Variants in MYO18B observed in about 807,000 individuals in gnomAD.
The protein encoded by MYO18B is unconventional myosin-XVIIIb.
MYO18B carries 204 observed loss-of-function variants against 273.0 expected under a neutral mutation model. The ratio of observed to expected loss-of-function variants is 0.75; its 90% CI spans 0.67 to 0.84. The LOEUF (loss-of-function observed/expected upper bound fraction) is 0.84. MYO18B is among the 40% of genes least tolerant of loss of function. The probability of loss-of-function intolerance (pLI) is 0.00; values close to 1 mark genes in which losing one functional copy is unlikely to be tolerated. For missense variants in MYO18B, 3,212 were observed against 3,287.6 expected (o/e 0.98, Z 0.56); for synonymous variants, 1,330 against 1,305.7 (o/e 1.02, Z -0.40).
At chr22:25,896,518 T>C (rs2091805742) in intron 28 of MYO18B, 1 of 152,254 alleles carries the variant, frequency 6.6e-6, no homozygotes, top group Non-Finnish European at 1.5e-5. Context: ...GTACCATTAC[T>C]GTTAGGGCTT....
At position 25,781,882 on chromosome 22, in the gene MYO18B, G is replaced by T; in HGVS notation, c.2312+48G>T. 3.9e-6 allele frequency: 5 copies of T among 1,297,968 alleles called. No homozygotes were observed. The South Asian group carries it at 8.9e-5, about 23-fold the overall frequency. The allele number at this position is 1,297,968 out of a possible 1,614,324, so 80.4% of individuals were successfully genotyped here. A position where few individuals can be genotyped will look rare whatever the true frequency, so the allele number is the denominator to read the frequency against. ...GACAGCTGAGGGCAGTGCGACAAAG[G>T]GCACATGTTCTTTGGGGGCCCAGCC... On this transcript the variant is annotated intron_variant, in intron 10 of 43. Transcript: ENST00000335473.
intron 12 of MYO18B, among the ~76,000 whole-genome samples, chr22:25,809,685 C>T (rs2088647720): frequency 1.3e-5 from 2 of 151,994 alleles, no homozygotes; most frequent in Admixed American, 1.3e-4. Flanking sequence ...AGGAGGTGCT[C>T]ATGGGGAGGA....
Position 25,826,508 on chromosome 22 carries a change from G to C in MYO18B, c.2786+9G>C. On this transcript the variant is annotated intron_variant, in intron 14 of 43. Coordinates refer to ENST00000335473, the MANE Select transcript of MYO18B (RefSeq NM_032608.7). The stretch of plus-strand genomic sequence containing the variant: ...GTCTCACTCATCAACAGGTAACGGG[G>C]CCTTTTCCTAGGCACACAGTTGGCC... 1 of 1,611,432 alleles carries C rather than the reference G, an allele frequency of 6.2e-7. No individual in the cohort carries two copies.
intron 4 of MYO18B, 140 bp downstream of exon 4, chr22:25,769,568 G>T: frequency 1.3e-6 from 1 of 759,586 alleles, no homozygotes; most frequent in Non-Finnish European, 2.1e-6. Context: ...GGCTGGAACT[G>T]CAAGGCACCC....
At chr22:26,058,840 G>A in the MYO18B span, among the ~76,000 whole-genome samples, 47 of 152,260 alleles carry the variant, frequency 3.1e-4, no homozygotes, top group African/African-American at 5.1e-4. Flanking sequence ...AGAACCATGA[G>A]TCAAAAAATC....
At chr22:25,968,505 C>T (rs1413982417) in intron 39 of MYO18B, among the ~76,000 whole-genome samples, 1 of 152,084 alleles carries the variant, frequency 6.6e-6, no homozygotes, top group Non-Finnish European at 1.5e-5. Flanking sequence ...GTTTTATCTT[C>T]TCTGCTTGTG....
chr22:25,885,480 G>A (rs1319740123), intron 25 of MYO18B, among the ~76,000 whole-genome samples: 1 of 152,102 alleles, frequency 6.6e-6, no homozygotes, highest in Non-Finnish European at 1.5e-5. Context: ...CCAGGTACAG[G>A]GCACAGCAAG....
rs1052008269 is a variant in MYO18B, at chr22:25,849,746, C to T, written c.3776-1724C>T. 2.6e-5 allele frequency among the ~76,000 whole-genome samples: 4 copies of T among 152,210 alleles called. No individual in the cohort carries two copies. In the South Asian group the frequency reaches 6.2e-4, roughly 24 times the overall value. ...CAGGAAATTCCCTAGAGCTTATCTC[C>T]CTGTCCTCTCCTATAATAGCTCATA... On this transcript the variant is annotated intron_variant, in intron 20 of 43. Transcript: ENST00000335473.
At chr22:25,805,482 C>T (rs1050439695) in intron 12 of MYO18B, among the ~76,000 whole-genome samples, 2 of 152,178 alleles carry the variant, frequency 1.3e-5, no homozygotes, top group East Asian at 1.9e-4. Context: ...CAGGGATCCT[C>T]GTCTTATGAT....
chr22:25,982,942 G>T (rs2093164428), intron 39 of MYO18B, among the ~76,000 whole-genome samples: 1 of 152,110 alleles, frequency 6.6e-6, no homozygotes, highest in Non-Finnish European at 1.5e-5. Context: ...TCAACCCACA[G>T]AAACCATGAG....
intron 40 of MYO18B, among the ~76,000 whole-genome samples, chr22:25,997,058 C>T (rs537408215): frequency 6.6e-6 from 1 of 152,008 alleles, no homozygotes; most frequent in Non-Finnish European, 1.5e-5. Context: ...CGCGGTGGCT[C>T]ATGTCTGTAA....
chr22:25,749,472 G>A (rs2085874442), intron 1 of MYO18B, among the ~76,000 whole-genome samples: 2 of 152,220 alleles, frequency 1.3e-5, no homozygotes, highest in African/African-American at 4.8e-5. Context: ...GCCTGATACA[G>A]AGAGAGGTGG....
intron 34 of MYO18B, among the ~76,000 whole-genome samples, chr22:25,922,598 C>A (rs1198662395): frequency 1.3e-5 from 2 of 152,170 alleles, no homozygotes; most frequent in Non-Finnish European, 2.9e-5. Flanking sequence ...GATGCCTTCG[C>A]CACCTGCCTT....
At chr22:25,828,713 G>A (rs1415971261) in intron 14 of MYO18B, 63 bp from the exon 15 acceptor site, 5 of 1,504,546 alleles carry the variant, frequency 3.3e-6, no homozygotes, top group Non-Finnish European at 4.5e-6. Flanking sequence ...CTGGAGGCTT[G>A]GATCAGTGTG....
the MYO18B span, among the ~76,000 whole-genome samples, chr22:26,040,335 A>G: frequency 1.3e-5 from 2 of 152,200 alleles, no homozygotes; most frequent in African/African-American, 2.4e-5. Flanking sequence ...CCAGGGCCCA[A>G]TTCATGGTTG....
the MYO18B span, among the ~76,000 whole-genome samples, chr22:26,039,251 G>A: frequency 6.6e-6 from 1 of 152,262 alleles, no homozygotes; most frequent in Admixed American, 6.5e-5. Context: ...CACTATAGAT[G>A]TTACTATACC....
intron 13 of MYO18B, 38 bp downstream of exon 13, chr22:25,823,716 C>A (rs556016631): frequency 9.3e-6 from 15 of 1,605,878 alleles, no homozygotes; most frequent in African/African-American, 5.3e-5. Context: ...GCTGGGCCCC[C>A]CTCTGGGCCA....
chr22:25,833,049 G>A, intron 16 of MYO18B, 52 bp downstream of exon 16: 1 of 1,528,126 alleles, frequency 6.5e-7, no homozygotes, highest in South Asian at 1.1e-5. Flanking sequence ...TGGCCATATT[G>A]AAATGCTGGT....
chr22:25,846,820 G>A (rs1340992153), intron 19 of MYO18B, among the ~76,000 whole-genome samples: 1 of 152,182 alleles, frequency 6.6e-6, no homozygotes, highest in African/African-American at 2.4e-5. Flanking sequence ...AGAGGCTCAC[G>A]CCTGTAATTC....
Sources: gnomAD v4.1 joint callset for allele counts (sites outside exome capture counted in the v4.1 genomes callset) on GRCh38, gnomAD v4.1.1 for gene constraint, MANE v1.5 for transcripts, NCBI Gene and HGNC (gene_info 2026-07-23, HGNC 2026-07-21) for gene names.